Variants in SPATA18 observed in about 807,000 individuals in gnomAD.
The protein encoded by SPATA18 is mitochondria-eating protein.
A neutral mutation model predicts 68.1 loss-of-function variants in SPATA18; 54 were observed. That is an observed-to-expected ratio of 0.79 (90% CI 0.64 to 0.99). The LOEUF is 0.99. Ranked by LOEUF, SPATA18 falls within the 50% of genes least tolerant of loss-of-function variation. SPATA18 has a pLI of 0.00. For synonymous variants in SPATA18, 242 were observed against 244.8 expected, an observed-to-expected ratio of 0.99 and a Z score of 0.11; for missense variants, 724 against 681.1, an observed-to-expected ratio of 1.06 and a Z score of -0.70.
At chr4:52,075,234 C>CA (rs1740231027) in intron 6 of SPATA18, among the ~76,000 whole-genome samples, 1 of 151,990 alleles carries the variant, frequency 6.6e-6, no homozygotes, top group Non-Finnish European at 1.5e-5. Flanking sequence ...CTCTAGTGTC[C>CA]TGGATTTCTG....
intron 11 of SPATA18, among the ~76,000 whole-genome samples, chr4:52,088,032 A>G (rs894379628): frequency 3.3e-5 from 5 of 152,124 alleles, no homozygotes; most frequent in African/African-American, 1.2e-4. Flanking sequence ...TCTTAGTAGC[A>G]ATTGTGAATG....
chr4:52,095,088 T>G lies in SPATA18; in HGVS notation c.*201T>G. 1 of 598,628 alleles carries G rather than the reference T, an allele frequency of 1.7e-6. No individual in the cohort carries two copies. Among genetic ancestry groups the G allele is most frequent in the Non-Finnish European group, 2.9e-6 (1 of 341,016 alleles). 37.1% of individuals were successfully genotyped at this position (598,628 alleles called of 1,614,324 possible). On this transcript the variant is annotated 3_prime_UTR_variant, in exon 13 of 13. Coordinates refer to ENST00000295213, the MANE Select transcript of SPATA18 (RefSeq NM_145263.4). Reference sequence around the variant, plus strand: ...ATATATTGCATTCTATTTTATTTTATAGATACTAATTCCATTAATTTCATA... The same window carrying G: ...ATATATTGCATTCTATTTTATTTTAGAGATACTAATTCCATTAATTTCATA...
chr4:52,072,226 A>G, intron 6 of SPATA18, 70 bp downstream of exon 6: 1 of 1,559,760 alleles, frequency 6.4e-7, no homozygotes, highest in Non-Finnish European at 8.6e-7. Flanking sequence ...GGGAGGAGGA[A>G]ATAAGTAAAA....
At chr4:52,083,069 A>G in intron 10 of SPATA18, 1 of 962,868 alleles carries the variant, frequency 1.0e-6, no homozygotes, top group Non-Finnish European at 1.2e-6. Context: ...GAACCTACAG[A>G]ATGTTAAATA....
At chr4:52,077,161 C>G in intron 7 of SPATA18, 121 bp downstream of exon 7, 8 of 1,039,176 alleles carry the variant, frequency 7.7e-6, no homozygotes, top group Non-Finnish European at 9.6e-6. Flanking sequence ...GGGGAGATTC[C>G]AGTCTCCCCA....
rs746128040 is a variant in SPATA18 at position 52,078,781 on chromosome 4, A to G, written c.1067A>G (p.His356Arg). 3.1e-6 allele frequency: 5 copies of G among 1,606,748 alleles called. No individual in the cohort carries two copies. The highest frequency in any genetic ancestry group is 4.3e-6 in the Non-Finnish European group (5 of 1,174,036). Reference protein sequence around the residue: ...AKMAFRHFKIHVRKSLTPSYV... With the variant: ...AKMAFRHFKIRVRKSLTPSYV... The stretch of plus-strand genomic sequence containing the variant: ...ATGGCATTCAGACACTTCAAGATCC[A>G]TGTGAGAAAATCGTTGACACCATCT... Residue 356 changes from histidine (H) to arginine (R), a missense_variant, in exon 8 of 13, where the codon CAT becomes CGT. Physicochemically the swap from His to Arg is conservative, Grantham distance 29 (BLOSUM62 0). Transcript: ENST00000295213.
intron 11 of SPATA18, among the ~76,000 whole-genome samples, chr4:52,089,081 T>C (rs1465874150): frequency 2.0e-5 from 3 of 152,238 alleles, no homozygotes; most frequent in Non-Finnish European, 2.9e-5. Context: ...GAGGTGTTTA[T>C]AGTATTCTCT....
At chr4:52,081,349 C>A (rs1219475730) in intron 9 of SPATA18, among the ~76,000 whole-genome samples, 1 of 152,220 alleles carries the variant, frequency 6.6e-6, no homozygotes, top group African/African-American at 2.4e-5. Flanking sequence ...ACTTCTAGAA[C>A]TTCACAGAAC....
rs754460775 is a variant in SPATA18, at chr4:52,084,986, T to C, written c.1550T>C (p.Ile517Thr). The C allele has an allele frequency of 1.9e-6, 3 of 1,613,824 alleles. No homozygotes were observed. Among genetic ancestry groups the C allele is most frequent in the Non-Finnish European group, 2.5e-6 (3 of 1,179,848 alleles). Reference sequence around the variant, plus strand: ...AGTCCCATTTGCCCCCGTAGCCAAATTGGTTTAAACACGGTACATATCTAT... The same window carrying C: ...AGTCCCATTTGCCCCCGTAGCCAAACTGGTTTAAACACGGTACATATCTAT... ...SLSPICPRSQ[I>T]GLNTMSRSRS... Residue 517 changes from isoleucine (I) to threonine (T), a missense_variant, in exon 11 of 13, where the codon ATT becomes ACT. Physicochemically the swap from Ile to Thr is moderately conservative, Grantham distance 89. Coordinates refer to ENST00000295213, the MANE Select transcript of SPATA18 (RefSeq NM_145263.4).
chr4:52,054,355 A>C (rs975408639), intron 1 of SPATA18, among the ~76,000 whole-genome samples: 23 of 152,284 alleles, frequency 1.5e-4, no homozygotes, highest in African/African-American at 5.3e-4. Context: ...TCACTTTCTT[A>C]GGAGAGCTTT....
chr4:52,094,751 T>TA, intron 12 of SPATA18, 129 bp from the exon 13 acceptor site: 1 of 1,371,762 alleles, frequency 7.3e-7, no homozygotes, highest in South Asian at 1.2e-5. Context: ...ATGGGTCATG[T>TA]AGAAGGAGCT....
In SPATA18 at chr4:52,069,091, A is replaced by T. The variant is rs146900649; in HGVS notation, c.423-730A>T. ...ACTATGTTGCACAGGCTTGTCTTGAACTCCTGAGCTCAAAAGATTCTCCTG... is the reference window on the plus strand; with the variant it reads ...ACTATGTTGCACAGGCTTGTCTTGATCTCCTGAGCTCAAAAGATTCTCCTG... On this transcript the variant is annotated intron_variant, in intron 4 of 12. Transcript: ENST00000295213. Among the ~76,000 whole-genome samples, 847 of 151,342 alleles carry T rather than the reference A, an allele frequency of 5.6e-3. 7 individuals are homozygous for T. Among genetic ancestry groups the T allele is most frequent in the African/African-American group, 0.019 (791 of 41,190 alleles).
chr4:52,078,061 T>C (rs1740548395), intron 7 of SPATA18, among the ~76,000 whole-genome samples: 1 of 151,480 alleles, frequency 6.6e-6, no homozygotes, highest in South Asian at 2.1e-4. Context: ...AATACTACTG[T>C]CTGAAAGCTA....
chr4:52,078,698 T>C (rs763062129), intron 7 of SPATA18, 37 bp from the exon 8 acceptor site: 1 of 1,496,048 alleles, frequency 6.7e-7, no homozygotes, highest in South Asian at 1.4e-5. Context: ...CACCTACCTC[T>C]TTTCACCAAA....
intron 1 of SPATA18, among the ~76,000 whole-genome samples, chr4:52,054,687 C>T (rs1374607302): frequency 6.6e-6 from 1 of 151,960 alleles, no homozygotes; most frequent in Non-Finnish European, 1.5e-5. Flanking sequence ...CGGCCAGAAC[C>T]AGCCTATGGT....
At chr4:52,055,677 A>G (rs1003481811) in intron 1 of SPATA18, among the ~76,000 whole-genome samples, 1 of 152,128 alleles carries the variant, frequency 6.6e-6, no homozygotes, top group Non-Finnish European at 1.5e-5. Flanking sequence ...TATGTTTCCA[A>G]TGACCAGGCC....
intron 3 of SPATA18, 144 bp downstream of exon 3, chr4:52,061,041 C>T (rs1046087713): frequency 1.9e-5 from 13 of 683,412 alleles, no homozygotes; most frequent in East Asian, 1.4e-4. Context: ...TTCCATGGGA[C>T]GGTGTTAGTT....
chr4:52,091,629 G>A (rs146715311), intron 11 of SPATA18, among the ~76,000 whole-genome samples: 2,371 of 152,306 alleles, frequency 0.016, 29 homozygotes, highest in Non-Finnish European at 0.023. Context: ...ATTGCTGCCT[G>A]TTCTTTCCTC....
At chr4:52,094,798 A>G in intron 12 of SPATA18, 82 bp from the exon 13 acceptor site, 1 of 1,568,264 alleles carries the variant, frequency 6.4e-7, no homozygotes, top group Admixed American at 1.7e-5. Flanking sequence ...AACCTAGATT[A>G]ACCGCCTCTT....
Sources: allele counts gnomAD v4.1 joint callset (sites outside exome capture counted in the v4.1 genomes callset), GRCh38; gene constraint gnomAD v4.1.1; transcripts MANE v1.5; gene names NCBI Gene and HGNC (gene_info 2026-07-23, HGNC 2026-07-21).